The following SLC6A18 variants were observed in gnomAD, a reference collection of about 807,000 sequenced individuals.
SLC6A18 encodes inactive sodium-dependent neutral amino acid transporter B(0)AT3.
Under a neutral mutation model 62.9 loss-of-function variants are expected in SLC6A18, and 58 were observed. The ratio of observed to expected loss-of-function variants is 0.92; its 90% CI spans 0.75 to 1.15. The LOEUF (loss-of-function observed/expected upper bound fraction) is 1.15. Among genes scored for constraint, SLC6A18 ranks in the 50% most tolerant of loss-of-function variants. SLC6A18 has a pLI of 0.00. For synonymous variants in SLC6A18, 382 were observed against 365.8 expected (o/e 1.04, Z -0.51); for missense variants, 793 against 836.6 (o/e 0.95, Z 0.64).
chr5:1,231,846 T>C (rs1746738229), intron 1 of SLC6A18, among the ~76,000 whole-genome samples: 2 of 151,986 alleles, frequency 1.3e-5, no homozygotes, highest in Non-Finnish European at 2.9e-5. Flanking sequence ...AGAGGCTGAG[T>C]CCCCACTGCC....
intron 3 of SLC6A18, among the ~76,000 whole-genome samples, chr5:1,233,888 C>T (rs1314286849): frequency 3.3e-5 from 5 of 152,040 alleles, no homozygotes; most frequent in Non-Finnish European, 5.9e-5. Flanking sequence ...ACTACAGGCG[C>T]CTGCCACCAG....
chr5:1,231,399 G>A lies in SLC6A18; in HGVS notation c.161-820G>A, dbSNP rs1467546292. ...AGGCCCGAGATGCCAGGAAGTGGGG[G>A]GACTGGTCCAGCCCTGATGCAGCTC... is the stretch of plus-strand genomic sequence containing the variant. On this transcript the variant is annotated intron_variant, in intron 1 of 11. Transcript: ENST00000324642. Among the ~76,000 whole-genome samples the A allele has an allele frequency of 3.9e-5, 6 of 152,266 alleles. No individual in the cohort carries two copies. The East Asian group carries it at 5.8e-4, about 15-fold the overall frequency.
At chr5:1,242,479 G>A (rs1579533752) in intron 7 of SLC6A18, among the ~76,000 whole-genome samples, 1 of 82,198 alleles carries the variant, frequency 1.2e-5, no homozygotes, top group Non-Finnish European at 2.4e-5. Flanking sequence ...GGGGCAGGAG[G>A]CGTCCACACG....
rs199865996 is a variant in SLC6A18, at chr5:1,243,568, C to T, written c.1145C>T (p.Pro382Leu). ...CGTGTATTGCAGAGTGCCTCGGGCC[C>T]GGGCCTGGCCTTCGTCGTCTTCACG... ...EDFLDKSASG[P>L]GLAFVVFTET... Residue 382 changes from proline to leucine, a missense_variant, in exon 9 of 12, where the codon CCG becomes CTG. By Grantham distance (98) the Pro-to-Leu change is moderately conservative. Transcript: ENST00000324642. The surrounding 1 kb of genome is among the most constrained non-coding windows in gnomAD (Gnocchi z 6.5). 304 of 1,613,404 alleles carry T rather than the reference C, an allele frequency of 1.9e-4. No homozygotes were observed. The highest frequency in any genetic ancestry group is 2.4e-4 in the Non-Finnish European group (282 of 1,179,970).
In SLC6A18 at chr5:1,241,210, GGCA is replaced by G. The variant is rs1482982629; in HGVS notation, c.974+554_974+556del. Among the ~76,000 whole-genome samples, 10 of 152,342 alleles carry G rather than the reference GGCA, an allele frequency of 6.6e-5. No homozygotes were observed. The highest frequency in any genetic ancestry group is 2.2e-4 in the African/African-American group (9 of 41,580). ...ATGCAGTTAGGTTGTCCCCTGCACA[GGCA>G]GCTGCCTCGTCAGACCCACGGCCCT... On this transcript the variant is annotated intron_variant, in intron 7 of 11. Transcript: ENST00000324642. This position sits in a 1 kb window ranked among gnomAD's most constrained non-coding sequence, Gnocchi z 7.8.
intron 1 of SLC6A18, among the ~76,000 whole-genome samples, chr5:1,229,626 C>T (rs1746671946): frequency 6.6e-6 from 1 of 152,214 alleles, no homozygotes; most frequent in African/African-American, 2.4e-5. Context: ...CCCACGCCAC[C>T]CACATCTGTC....
intron 3 of SLC6A18, 94 bp from the exon 4 acceptor site, chr5:1,235,387 T>C (rs1393984681): frequency 2.4e-6 from 3 of 1,259,392 alleles, no homozygotes; most frequent in East Asian, 5.0e-5. Context: ...AAAAGGGCAG[T>C]GTTGTGAGCA....
At chr5:1,227,717 C>T (rs565597685) in intron 1 of SLC6A18, among the ~76,000 whole-genome samples, 2 of 152,316 alleles carry the variant, frequency 1.3e-5, no homozygotes, top group Non-Finnish European at 2.9e-5. Flanking sequence ...TGTAGCAAAA[C>T]GTTGCGGTAA....
At chr5:1,240,401 C>G in intron 6 of SLC6A18, 130 bp from the exon 7 acceptor site, 3 of 1,392,000 alleles carry the variant, frequency 2.2e-6, no homozygotes, top group Non-Finnish European at 1.9e-6. Flanking sequence ...AGCAGCAGCC[C>G]TTGGGTCAGA....
chr5:1,226,592 C>T (rs1363329138), intron 1 of SLC6A18, among the ~76,000 whole-genome samples: 1 of 152,164 alleles, frequency 6.6e-6, no homozygotes, highest in African/African-American at 2.4e-5. Flanking sequence ...GCAGAAAATG[C>T]AGGAAATGCG....
At chr5:1,240,497 G>C in intron 6 of SLC6A18, 34 bp from the exon 7 acceptor site, 1 of 1,612,524 alleles carries the variant, frequency 6.2e-7, no homozygotes, top group Non-Finnish European at 8.5e-7. Context: ...GTTACCTCCT[G>C]CAAAGCCTGT....
intron 1 of SLC6A18, 24 bp from the exon 2 acceptor site, chr5:1,232,195 G>A (rs1276572126): frequency 3.1e-6 from 5 of 1,603,800 alleles, no homozygotes; most frequent in East Asian, 2.2e-5. Context: ...CCCTGGGCAG[G>A]TGCTGACCAC....
At chr5:1,240,398 G>A in intron 6 of SLC6A18, 133 bp from the exon 7 acceptor site, 1 of 1,349,642 alleles carries the variant, frequency 7.4e-7, no homozygotes, top group Non-Finnish European at 1.0e-6. Flanking sequence ...GGCAGCAGCA[G>A]CCCTTGGGTC....
chr5:1,240,766 T>C, intron 7 of SLC6A18, 107 bp downstream of exon 7: 1 of 1,484,844 alleles, frequency 6.7e-7, no homozygotes, highest in Non-Finnish European at 9.1e-7. Context: ...GCACATTTCA[T>C]TTCTGTAGGG....
rs922922467 is a variant in SLC6A18 at position 1,241,221 on chromosome 5, C to T, written c.974+562C>T. Among the ~76,000 whole-genome samples, 2 of 152,198 alleles carry T rather than the reference C, an allele frequency of 1.3e-5. No individual in the cohort carries two copies. Among genetic ancestry groups the T allele is most frequent in the Non-Finnish European group, 2.9e-5 (2 of 68,034 alleles). On this transcript the variant is annotated intron_variant, in intron 7 of 11. Coordinates refer to ENST00000324642, the MANE Select transcript of SLC6A18 (RefSeq NM_182632.3). This position sits in a 1 kb window ranked among gnomAD's most constrained non-coding sequence, Gnocchi z 7.8. ...TTGTCCCCTGCACAGGCAGCTGCCTCGTCAGACCCACGGCCCTCTTAGAGC... is the reference window on the plus strand; with the variant it reads ...TTGTCCCCTGCACAGGCAGCTGCCTTGTCAGACCCACGGCCCTCTTAGAGC...
At position 1,246,114 on chromosome 5, in the gene SLC6A18, T is replaced by G. The variant is rs978339138; in HGVS notation, c.*36T>G. On this transcript the variant is annotated 3_prime_UTR_variant, in exon 12 of 12. Coordinates refer to ENST00000324642, the MANE Select transcript of SLC6A18 (RefSeq NM_182632.3). ...AGCGGGGCCTGCATGGGCGGGTCTG[T>G]GGGGGGGCTTGGCCTGATGGTGGGC... is the stretch of plus-strand genomic sequence containing the variant. 2.0e-6 allele frequency: 3 copies of G among 1,473,470 alleles called. No homozygotes were observed. Among genetic ancestry groups the G allele is most frequent in the Non-Finnish European group, 2.7e-6 (3 of 1,112,698 alleles). The allele number at this position is 1,473,470 out of a possible 1,614,324, so 91.3% of individuals were successfully genotyped here. A position where few individuals can be genotyped will look rare whatever the true frequency, so the allele number is the denominator to read the frequency against.
rs367900698 is a variant in SLC6A18, at chr5:1,243,599, C to G, written c.1176C>G (p.Thr392=). Residue 392 remains threonine, a synonymous_variant, in exon 9 of 12, where the codon ACC becomes ACG. Coordinates refer to ENST00000324642, the MANE Select transcript of SLC6A18 (RefSeq NM_182632.3). The surrounding 1 kb of genome is among the most constrained non-coding windows in gnomAD (Gnocchi z 6.5). ...PGLAFVVFTE[T]DLHMPGAPVW... is the part of the protein sequence containing the mutation. ...TGGCCTTCGTCGTCTTCACGGAGAC[C>G]GACCTCCACATGCCGGGGGCTCCTG... 6.2e-7 allele frequency: 1 copy of G among 1,613,990 alleles called. No individual in the cohort carries two copies. The highest frequency in any genetic ancestry group is 8.5e-7 in the Non-Finnish European group (1 of 1,180,006).
At chr5:1,229,275 G>T (rs1746661958) in intron 1 of SLC6A18, among the ~76,000 whole-genome samples, 1 of 151,674 alleles carries the variant, frequency 6.6e-6, no homozygotes, top group African/African-American at 2.4e-5. Context: ...TCAATTCACA[G>T]AAAACCCTCT....
At chr5:1,226,833 A>T (rs189056398) in intron 1 of SLC6A18, among the ~76,000 whole-genome samples, 1 of 152,192 alleles carries the variant, frequency 6.6e-6, no homozygotes, top group Non-Finnish European at 1.5e-5. Flanking sequence ...TCACCAGAGC[A>T]TGCAAGGTTG....
Sources: gnomAD v4.1 joint callset for allele counts (sites outside exome capture counted in the v4.1 genomes callset) on GRCh38, gnomAD v4.1.1 for gene constraint, Gnocchi (gnomAD v3.1) non-coding constraint, MANE v1.5 for transcripts, NCBI Gene and HGNC (gene_info 2026-07-23, HGNC 2026-07-21) for gene names.